Variants in ALMS1 observed in about 807,000 individuals in gnomAD.
ALMS1 encodes the protein centrosome-associated protein ALMS1.
ALMS1 carries 271 observed loss-of-function variants against 352.2 expected under a neutral mutation model. The observed-to-expected ratio is 0.77, with a 90% confidence interval of 0.70 to 0.85. The LOEUF is 0.85. Among genes scored for constraint, ALMS1 ranks in the 40% least tolerant of loss-of-function variants. ALMS1 has a pLI of 0.00. For synonymous variants in ALMS1, 1,865 were observed against 1,761.2 expected (o/e 1.06, Z -1.48); for missense variants, 5,445 against 4,870.7 (o/e 1.12, Z -3.51).
chr2:73,491,004 G>T lies in ALMS1; in HGVS notation c.9045G>T (p.Lys3015Asn). 1 of 1,614,210 alleles carries T rather than the reference G, an allele frequency of 6.2e-7. No individual in the cohort carries two copies. Among genetic ancestry groups the T allele is most frequent in the Non-Finnish European group, 8.5e-7 (1 of 1,180,040 alleles). The change falls in exon 10 of 23, where the codon AAG becomes AAT. Residue 3015 changes from lysine to asparagine, a missense_variant. Lys to Asn is a moderately conservative substitution (Grantham distance 94). Transcript: ENST00000613296. ...TTTCTAATATAAATGTTGAAGCCAA[G>T]TTCAATACTGTGGTCTCCCAGTCAG... The part of the protein sequence containing the change: ...SHISNINVEA[K>N]FNTVVSQSAP...
At chr2:73,499,859 A>T (rs1407375135) in intron 10 of ALMS1, among the ~76,000 whole-genome samples, 1 of 150,962 alleles carries the variant, frequency 6.6e-6, no homozygotes, top group Non-Finnish European at 1.5e-5. Context: ...AAAAAGAATG[A>T]CTCCCCTCCT....
chr2:73,588,826 ATG>A (rs1353571537), intron 16 of ALMS1, among the ~76,000 whole-genome samples: 1 of 152,130 alleles, frequency 6.6e-6, no homozygotes, highest in Non-Finnish European at 1.5e-5. Context: ...ATGTTTATTA[ATG>A]TTTCATATAT....
chr2:73,457,571 T>C (rs768717384), intron 9 of ALMS1, among the ~76,000 whole-genome samples: 1 of 152,324 alleles, frequency 6.6e-6, no homozygotes. Context: ...TGTATTTCTT[T>C]TTATTGCTTT....
In ALMS1 at chr2:73,402,560, G is replaced by A. The variant is rs950395487; in HGVS notation, c.325-6062G>A. The stretch of plus-strand genomic sequence containing the variant: ...CAGGCACGAGCCACCGCGCCCAGTC[G>A]TAGTTCTATTTTTAATTACTTTAGA... On this transcript the variant is annotated intron_variant, in intron 1 of 22. Coordinates refer to ENST00000613296, the MANE Select transcript of ALMS1 (RefSeq NM_001378454.1). Among the ~76,000 whole-genome samples the A allele has an allele frequency of 1.1e-4, 17 of 151,960 alleles. No homozygotes were observed. The South Asian group carries it at 1.2e-3, about 11-fold the overall frequency.
chr2:73,608,724 G>A (rs575779690), intron 22 of ALMS1, 150 bp downstream of exon 22: 2 of 711,184 alleles, frequency 2.8e-6, no homozygotes, highest in Non-Finnish European at 5.0e-6. Flanking sequence ...TTGAAATTTG[G>A]AAGAAGGCAT....
At chr2:73,526,751 T>G (rs942821525) in intron 11 of ALMS1, among the ~76,000 whole-genome samples, 3 of 152,172 alleles carry the variant, frequency 2.0e-5, no homozygotes, top group Admixed American at 2.0e-4. Flanking sequence ...CCAATCTGGA[T>G]CTCCTTTCTA....
intron 19 of ALMS1, 119 bp downstream of exon 19, chr2:73,601,555 C>T: frequency 6.8e-7 from 1 of 1,464,514 alleles, no homozygotes; most frequent in Non-Finnish European, 9.3e-7. Context: ...TCTTTTCCAG[C>T]ACCTCCGCAG....
chr2:73,599,581 A>G, intron 17 of ALMS1, 60 bp downstream of exon 17: 5 of 1,543,970 alleles, frequency 3.2e-6, no homozygotes, highest in South Asian at 2.2e-5. Context: ...TTAAACATGT[A>G]AGATACTCAA....
At position 73,602,357 on chromosome 2, in the gene ALMS1, T is replaced by G; in HGVS notation, c.12287T>G (p.Leu4096Arg). 10 of 1,614,168 alleles carry G rather than the reference T, an allele frequency of 6.2e-6. No individual in the cohort carries two copies. Among genetic ancestry groups the G allele is most frequent in the Non-Finnish European group, 8.5e-6 (10 of 1,180,002 alleles). The change falls in exon 20 of 23, where the codon CTG becomes CGG. Residue 4096 changes from leucine to arginine, a missense_variant. Transcript: ENST00000613296. ...RQGHQNRMCPLPKRVFLAIQK... is the reference protein window; with the variant it reads ...RQGHQNRMCPRPKRVFLAIQK... The stretch of plus-strand genomic sequence containing the variant: ...GGCCACCAGAATCGCATGTGCCCGC[T>G]GCCCAAGAGAGGTACGCCCTGCCCG...
At chr2:73,504,082 C>T (rs1408445958) in intron 10 of ALMS1, among the ~76,000 whole-genome samples, 1 of 152,062 alleles carries the variant, frequency 6.6e-6, no homozygotes, top group Non-Finnish European at 1.5e-5. Context: ...TATAGACTCA[C>T]AAGAAAAATA....
Position 73,424,496 on chromosome 2 carries a change from A to T in ALMS1, c.831A>T (p.Leu277Phe). The T allele has an allele frequency of 3.1e-6, 5 of 1,606,746 alleles. No homozygotes were observed. Among genetic ancestry groups the T allele is most frequent in the Non-Finnish European group, 4.2e-6 (5 of 1,176,802 alleles). Reference protein sequence around the residue: ...SSRPSEVSEALFQATAEVASD... With the variant: ...SSRPSEVSEAFFQATAEVASD... ...GACCATCGGAAGTTAGTGAAGCTTT[A>T]TTCCAGGCTACTGCAGAAGTAGCTT... The change falls in exon 5 of 23, where the codon TTA (leucine) becomes TTT (phenylalanine). Residue 277 changes from leucine (L) to phenylalanine (F), a missense_variant. Physicochemically the swap from Leu to Phe is conservative, Grantham distance 22. Coordinates refer to ENST00000613296, the MANE Select transcript of ALMS1 (RefSeq NM_001378454.1).
chr2:73,563,672 G>A (rs929979496), intron 15 of ALMS1, among the ~76,000 whole-genome samples: 1 of 145,330 alleles, frequency 6.9e-6, no homozygotes, highest in Non-Finnish European at 1.5e-5. Flanking sequence ...GCAGTGAGCC[G>A]AGATCACGCC....
At chr2:73,608,287 C>T (rs1235309008) in intron 21 of ALMS1, among the ~76,000 whole-genome samples, 188 bp from the exon 22 acceptor site, 3 of 152,158 alleles carry the variant, frequency 2.0e-5, no homozygotes, top group Admixed American at 1.3e-4. Flanking sequence ...TTTATCTCCC[C>T]TTCCAGATTG....
At chr2:73,413,608 T>C (rs886881567) in intron 2 of ALMS1, among the ~76,000 whole-genome samples, 11 of 152,208 alleles carry the variant, frequency 7.2e-5, no homozygotes, top group Non-Finnish European at 1.3e-4. Context: ...AAATGTTCCA[T>C]GGTTGAAGGG....
chr2:73,432,760 T>C (rs1410547014), intron 7 of ALMS1, among the ~76,000 whole-genome samples: 1 of 152,176 alleles, frequency 6.6e-6, no homozygotes, highest in Non-Finnish European at 1.5e-5. Flanking sequence ...ACCTATACTT[T>C]TCAGGGGGGA....
chr2:73,423,054 T>G, intron 4 of ALMS1, 80 bp downstream of exon 4: 1 of 1,315,500 alleles, frequency 7.6e-7, no homozygotes, highest in Non-Finnish European at 1.1e-6. Context: ...CAGGCTAAGG[T>G]GGGACTTTGA....
intron 10 of ALMS1, among the ~76,000 whole-genome samples, chr2:73,514,411 C>G (rs1466663323): frequency 1.3e-5 from 2 of 151,908 alleles, no homozygotes; most frequent in Admixed American, 6.6e-5. Flanking sequence ...GCTTTATGAG[C>G]AGCAAAGTAT....
At chr2:73,538,078 AC>A (rs1674070440) in intron 12 of ALMS1, among the ~76,000 whole-genome samples, 1 of 152,158 alleles carries the variant, frequency 6.6e-6, no homozygotes, top group South Asian at 2.1e-4. Context: ...AAAATTCAAA[AC>A]TTTTGTACAC....
rs780706473 is a variant in ALMS1 at position 73,450,044 on chromosome 2, G to C, written c.3517G>C (p.Ala1173Pro). 1 of 1,613,878 alleles carries C rather than the reference G, an allele frequency of 6.2e-7. No homozygotes were observed. The highest frequency in any genetic ancestry group is 8.5e-7 in the Non-Finnish European group (1 of 1,179,930). ...ACCTGAAGAGGCTCAGAAAGTTTCA[G>C]CTGTTACTGGACCAGGTAACCAGAA... is the stretch of plus-strand genomic sequence containing the variant. ...HIPEEAQKVS[A>P]VTGPGNQKTW... Residue 1173 changes from alanine to proline, a missense_variant, in exon 8 of 23, where the codon GCT becomes CCT. By Grantham distance (27) the Ala-to-Pro change is conservative. Coordinates refer to ENST00000613296, the MANE Select transcript of ALMS1 (RefSeq NM_001378454.1).
Sources: gnomAD v4.1 joint callset for allele counts (sites outside exome capture counted in the v4.1 genomes callset) on GRCh38, gnomAD v4.1.1 for gene constraint, MANE v1.5 for transcripts, NCBI Gene and HGNC (gene_info 2026-07-23, HGNC 2026-07-21) for gene names.